CTNNA3: variants seen among roughly 807,000 people sequenced by gnomAD.
CTNNA3 encodes catenin alpha-3.
Under a neutral mutation model 95.7 loss-of-function variants are expected in CTNNA3, and 76 were observed. The ratio of observed to expected loss-of-function variants is 0.79; its 90% CI spans 0.66 to 0.96. The LOEUF (loss-of-function observed/expected upper bound fraction) is 0.96, where lower values mean the gene tolerates loss of function less well. Among genes scored for constraint, CTNNA3 ranks in the 40% least tolerant of loss-of-function variants. CTNNA3 has a pLI of 0.00. For synonymous variants in CTNNA3, 431 were observed against 374.4 expected (o/e 1.15, Z -1.74); for missense variants, 1,191 against 1,089.8 (o/e 1.09, Z -1.31).
At chr10:67,024,299 C>T (rs966541163) in intron 7 of CTNNA3, among the ~76,000 whole-genome samples, 2 of 152,188 alleles carry the variant, frequency 1.3e-5, no homozygotes, top group African/African-American at 4.8e-5. Flanking sequence ...GACTTTACTG[C>T]TTCTGTCTTT....
intron 7 of CTNNA3, among the ~76,000 whole-genome samples, chr10:67,060,070 C>G (rs1855672961): frequency 6.6e-6 from 1 of 152,078 alleles, no homozygotes; most frequent in Admixed American, 6.6e-5. Flanking sequence ...AATCCCAGCA[C>G]TTTGGGATGC....
chr10:65,947,631 ATG>A (rs1264742557), intron 17 of CTNNA3, among the ~76,000 whole-genome samples: 1 of 152,200 alleles, frequency 6.6e-6, no homozygotes, highest in Non-Finnish European at 1.5e-5. Context: ...TCCCTGGTCC[ATG>A]TGTAAAAATG....
chr10:66,241,886 C>T (rs2090126880), intron 13 of CTNNA3, among the ~76,000 whole-genome samples: 1 of 147,932 alleles, frequency 6.8e-6, no homozygotes, highest in Admixed American at 6.8e-5. Flanking sequence ...AATCTAAGAC[C>T]ATTCCACTCC....
intron 5 of CTNNA3, among the ~76,000 whole-genome samples, chr10:67,233,931 C>G (rs1025276305): frequency 6.6e-6 from 1 of 152,256 alleles, no homozygotes; most frequent in Admixed American, 6.5e-5. Flanking sequence ...ATAAATTCCT[C>G]GACACATACA....
intron 5 of CTNNA3, among the ~76,000 whole-genome samples, chr10:67,394,718 T>G (rs1431374288): frequency 6.6e-6 from 1 of 152,118 alleles, no homozygotes; most frequent in Non-Finnish European, 1.5e-5. Flanking sequence ...TAAAAATTAT[T>G]TACAGCAACT....
intron 5 of CTNNA3, among the ~76,000 whole-genome samples, chr10:67,495,263 C>G (rs537481868): frequency 3.6e-4 from 55 of 152,256 alleles, no homozygotes; most frequent in Admixed American, 1.3e-3. Flanking sequence ...ATCAAGCTCC[C>G]TGACACCCTC....
At chr10:67,157,623 T>A (rs1360134821) in intron 7 of CTNNA3, among the ~76,000 whole-genome samples, 2 of 152,184 alleles carry the variant, frequency 1.3e-5, no homozygotes, top group East Asian at 3.9e-4. Flanking sequence ...ATGAACTAAA[T>A]GTGCCAGTAC....
At chr10:66,285,136 T>A (rs2091563098) in intron 12 of CTNNA3, among the ~76,000 whole-genome samples, 1 of 151,726 alleles carries the variant, frequency 6.6e-6, no homozygotes, top group Non-Finnish European at 1.5e-5. Flanking sequence ...CATCACATGG[T>A]TAACAAGAGC....
chr10:66,788,890 C>T (rs899564998), intron 7 of CTNNA3, among the ~76,000 whole-genome samples: 3 of 152,076 alleles, frequency 2.0e-5, no homozygotes, highest in Non-Finnish European at 4.4e-5. Context: ...TGCCAGTCAA[C>T]CTGGTGAGAA....
At chr10:66,446,218 G>A (rs2093419851) in intron 11 of CTNNA3, among the ~76,000 whole-genome samples, 1 of 152,128 alleles carries the variant, frequency 6.6e-6, no homozygotes, top group East Asian at 1.9e-4. Flanking sequence ...GGACCAGATG[G>A]ATTCACAGCG....
intron 11 of CTNNA3, among the ~76,000 whole-genome samples, chr10:66,434,360 A>G (rs1466050572): frequency 6.6e-6 from 1 of 152,116 alleles, no homozygotes; most frequent in Non-Finnish European, 1.5e-5. Context: ...GGTCCTTCAC[A>G]TCCCTTGTAA....
intron 7 of CTNNA3, chr10:67,099,105 G>A (rs543038469): frequency 5.9e-5 from 9 of 151,636 alleles, no homozygotes; most frequent in African/African-American, 2.2e-4. Flanking sequence ...ATCCATAATG[G>A]GATTCACCTC....
intron 12 of CTNNA3, among the ~76,000 whole-genome samples, chr10:66,317,450 A>G (rs1171882378): frequency 2.0e-5 from 3 of 151,936 alleles, no homozygotes; most frequent in Non-Finnish European, 4.4e-5. Flanking sequence ...GAGGTGGGTG[A>G]ATCACAAGGT....
intron 7 of CTNNA3, among the ~76,000 whole-genome samples, chr10:67,124,728 C>T (rs1589766016): frequency 6.6e-6 from 1 of 152,146 alleles, no homozygotes; most frequent in Admixed American, 6.5e-5. Flanking sequence ...CATTTATAGC[C>T]TATTCAAAAC....
At chr10:67,638,753 A>G (rs534785404) in intron 2 of CTNNA3, among the ~76,000 whole-genome samples, 1 of 152,198 alleles carries the variant, frequency 6.6e-6, no homozygotes, top group South Asian at 2.1e-4. Context: ...CTGCTCCTGA[A>G]TGACTACTGG....
intron 12 of CTNNA3, among the ~76,000 whole-genome samples, chr10:66,335,243 C>T (rs1240562749): frequency 2.6e-5 from 4 of 152,136 alleles, no homozygotes; most frequent in Non-Finnish European, 2.9e-5. Context: ...CAAAGTCATT[C>T]TCTGTCCACC....
At chr10:67,071,419 ATCT>A (rs1480288059) in intron 7 of CTNNA3, among the ~76,000 whole-genome samples, 1 of 148,760 alleles carries the variant, frequency 6.7e-6, no homozygotes, top group Non-Finnish European at 1.5e-5. Context: ...GTTTGCAGTT[ATCT>A]TCTCTCAACA....
chr10:67,380,813 T>C (rs1314458133), intron 5 of CTNNA3, among the ~76,000 whole-genome samples: 1 of 152,230 alleles, frequency 6.6e-6, no homozygotes, highest in African/African-American at 2.4e-5. Context: ...AAATTCCTTA[T>C]TTGCAATCTT....
chr10:67,031,284 C>T (rs1306231191), intron 7 of CTNNA3, among the ~76,000 whole-genome samples: 1 of 151,968 alleles, frequency 6.6e-6, no homozygotes, highest in African/African-American at 2.4e-5. Flanking sequence ...TAGAAATTCA[C>T]AGGTTTTAAA....
Sources: gnomAD v4.1 joint callset for allele counts (sites outside exome capture counted in the v4.1 genomes callset) on GRCh38, gnomAD v4.1.1 for gene constraint, MANE v1.5 for transcripts, NCBI Gene and HGNC (gene_info 2026-07-23, HGNC 2026-07-21) for gene names.